The following ARHGAP26 variants were observed in gnomAD, a reference collection of about 807,000 sequenced individuals.
ARHGAP26 encodes the protein rho GTPase-activating protein 26.
A neutral mutation model predicts 104.8 loss-of-function variants in ARHGAP26; 38 were observed. The ratio of observed to expected loss-of-function variants is 0.36; its 90% CI spans 0.28 to 0.48. The LOEUF (loss-of-function observed/expected upper bound fraction) is 0.48, where lower values mean the gene tolerates loss of function less well. Among genes scored for constraint, ARHGAP26 ranks in the 20% least tolerant of loss-of-function variants. ARHGAP26 has a pLI of 0.99. For synonymous variants in ARHGAP26, 341 were observed against 340.0 expected, an observed-to-expected ratio of 1.00 and a Z score of -0.03; for missense variants, 704 against 947.9, an observed-to-expected ratio of 0.74 and a Z score of 3.38.
intron 14 of ARHGAP26, among the ~76,000 whole-genome samples, chr5:143,044,775 G>A (rs994926866): frequency 6.6e-6 from 1 of 152,212 alleles, no homozygotes; most frequent in Non-Finnish European, 1.5e-5. Flanking sequence ...CCAATTTGGA[G>A]CATGTGTTTG....
At chr5:142,892,344 T>C (rs975337063) in intron 5 of ARHGAP26, among the ~76,000 whole-genome samples, 2 of 151,926 alleles carry the variant, frequency 1.3e-5, no homozygotes, top group African/African-American at 4.9e-5. Flanking sequence ...TCCAAGGGCC[T>C]TGGGGGCAGA....
At chr5:142,916,638 TCA>T (rs1378972445) in intron 10 of ARHGAP26, among the ~76,000 whole-genome samples, 1 of 152,070 alleles carries the variant, frequency 6.6e-6, no homozygotes, top group South Asian at 2.1e-4. Flanking sequence ...AAAAAAAAAT[TCA>T]GGCTCCTCTA....
intron 11 of ARHGAP26, among the ~76,000 whole-genome samples, chr5:142,936,796 G>T (rs764869762): frequency 6.7e-6 from 1 of 150,140 alleles, no homozygotes. Context: ...TTGAGAAATG[G>T]TGCTTTTTAG....
At chr5:143,102,961 T>A (rs1366755751) in intron 17 of ARHGAP26, among the ~76,000 whole-genome samples, 1 of 152,128 alleles carries the variant, frequency 6.6e-6, no homozygotes, top group Non-Finnish European at 1.5e-5. Flanking sequence ...GCCTCCCAAG[T>A]GCCATGGTGG....
At chr5:142,824,040 A>G (rs567150676) in intron 1 of ARHGAP26, among the ~76,000 whole-genome samples, 4 of 152,326 alleles carry the variant, frequency 2.6e-5, no homozygotes, top group African/African-American at 9.6e-5. Context: ...CCAGGGCTGG[A>G]TGTGACTCAT....
rs1251467270 is a variant in ARHGAP26 at position 143,109,482 on chromosome 5, C to T, written c.1539-11506C>T. Among the ~76,000 whole-genome samples, 6 of 151,514 alleles carry T rather than the reference C, an allele frequency of 4.0e-5. No homozygotes were observed. The South Asian group carries it at 6.3e-4, about 16-fold the overall frequency. On this transcript the variant is annotated intron_variant, in intron 17 of 22. Transcript: ENST00000645722. ...TTTTTGTATTTTTTTTTTTAGACAG[C>T]GTCTTGCTCTCACCCAGGCTGGAGT...
chr5:143,113,254 T>A (rs1794982736), intron 17 of ARHGAP26, among the ~76,000 whole-genome samples: 1 of 152,216 alleles, frequency 6.6e-6, no homozygotes, highest in Non-Finnish European at 1.5e-5. Flanking sequence ...TAAACAATTT[T>A]CAGTACCAAG....
chr5:143,092,400 G>A (rs1448282522), intron 17 of ARHGAP26, among the ~76,000 whole-genome samples: 7 of 152,000 alleles, frequency 4.6e-5, no homozygotes, highest in Non-Finnish European at 8.8e-5. Flanking sequence ...TCCTGACCTC[G>A]TGATCCGCCC....
At chr5:142,910,637 G>T (rs987021248) in intron 9 of ARHGAP26, among the ~76,000 whole-genome samples, 1 of 152,214 alleles carries the variant, frequency 6.6e-6, no homozygotes, top group African/African-American at 2.4e-5. Context: ...TATTTGGGAG[G>T]CTGAGGCAGG....
At chr5:143,074,959 G>A (rs1788781185) in intron 17 of ARHGAP26, among the ~76,000 whole-genome samples, 1 of 152,244 alleles carries the variant, frequency 6.6e-6, no homozygotes, top group South Asian at 2.1e-4. Flanking sequence ...CTCCAGCTCT[G>A]TGTGCTGGTG....
intron 1 of ARHGAP26, chr5:142,866,698 A>G (rs1308453140): frequency 6.6e-6 from 1 of 152,170 alleles, no homozygotes; most frequent in Non-Finnish European, 1.5e-5. Context: ...GGAAAAACAA[A>G]TTTTCCAGAA....
At position 143,223,537 on chromosome 5, in the gene ARHGAP26, C is replaced by T. The variant is rs1308948878; in HGVS notation, c.*1091C>T. On this transcript the variant is annotated 3_prime_UTR_variant, in exon 23 of 23. Coordinates refer to ENST00000645722, the MANE Select transcript of ARHGAP26 (RefSeq NM_001135608.3). ...TCCCCATGTCCTCCCATTCACCCAT[C>T]TCTGCTCCCACCCTTGCCTGCCTCT... The T allele has an allele frequency of 2.6e-5, 6 of 232,386 alleles. No homozygotes were observed. The highest frequency in any genetic ancestry group is 5.1e-5 in the Non-Finnish European group (6 of 117,308). The allele number at this position is 232,386 out of a possible 1,614,324, so 14.4% of individuals were successfully genotyped here.
At chr5:142,865,829 C>G (rs1394986176) in intron 1 of ARHGAP26, among the ~76,000 whole-genome samples, 2 of 152,176 alleles carry the variant, frequency 1.3e-5, no homozygotes, top group Non-Finnish European at 2.9e-5. Context: ...TTGATTCTAA[C>G]CGGTCTTCCC....
At chr5:143,087,189 A>G (rs546880148) in intron 17 of ARHGAP26, among the ~76,000 whole-genome samples, 4 of 152,234 alleles carry the variant, frequency 2.6e-5, no homozygotes, top group Admixed American at 6.5e-5. Context: ...CTGAGGCATC[A>G]AGACATTAAA....
At chr5:142,877,998 T>TA (rs1333498925) in intron 3 of ARHGAP26, among the ~76,000 whole-genome samples, 23 of 152,196 alleles carry the variant, frequency 1.5e-4, no homozygotes, top group African/African-American at 5.3e-4. Context: ...ACTCTAGTCT[T>TA]AAATTTCACT....
intron 20 of ARHGAP26, among the ~76,000 whole-genome samples, chr5:143,173,454 CG>C (rs1417270050): frequency 6.6e-6 from 1 of 152,148 alleles, no homozygotes; most frequent in Admixed American, 6.5e-5. Flanking sequence ...TTTCAAGAGA[CG>C]TATTTTTAGG....
chr5:142,903,251 C>G (rs79395813), intron 7 of ARHGAP26, among the ~76,000 whole-genome samples: 4 of 152,282 alleles, frequency 2.6e-5, no homozygotes, highest in Middle Eastern at 3.4e-3. Flanking sequence ...TCGTAAAACA[C>G]ACTTTTTGGC....
At chr5:143,221,971 T>G (rs976821999) in intron 22 of ARHGAP26, among the ~76,000 whole-genome samples, 1 of 152,100 alleles carries the variant, frequency 6.6e-6, no homozygotes, top group Non-Finnish European at 1.5e-5. Flanking sequence ...GATACATGTA[T>G]GGATGGACCA....
At chr5:143,009,728 C>T (rs1778474440) in intron 11 of ARHGAP26, among the ~76,000 whole-genome samples, 1 of 152,180 alleles carries the variant, frequency 6.6e-6, no homozygotes, top group Non-Finnish European at 1.5e-5. Context: ...TTTAACAAAT[C>T]TTCATATACA....
Sources: allele counts gnomAD v4.1 joint callset (sites outside exome capture counted in the v4.1 genomes callset), GRCh38; gene constraint gnomAD v4.1.1; transcripts MANE v1.5; gene names NCBI Gene and HGNC (gene_info 2026-07-23, HGNC 2026-07-21).